Variants in ALDH4A1 observed in about 807,000 individuals in gnomAD.
The protein encoded by ALDH4A1 is aldehyde dehydrogenase 4 family member A1, also known as delta-1-pyrroline-5-carboxylate dehydrogenase, mitochondrial.
Under a neutral mutation model 70.5 loss-of-function variants are expected in ALDH4A1, and 46 were observed. That is an observed-to-expected ratio of 0.65 (90% CI 0.51 to 0.83). The LOEUF is 0.83. ALDH4A1 is among the 40% of genes least tolerant of loss of function. The pLI, the probability that ALDH4A1 is intolerant of heterozygous loss-of-function variation, is 0.00. For missense variants in ALDH4A1, 749 were observed against 766.5 expected, an observed-to-expected ratio of 0.98 and a Z score of 0.27; for synonymous variants, 323 against 324.3, an observed-to-expected ratio of 1.00 and a Z score of 0.04.
chr1:18,897,805 T>C (rs1249615923), intron 1 of ALDH4A1, among the ~76,000 whole-genome samples: 1 of 152,144 alleles, frequency 6.6e-6, no homozygotes, highest in Non-Finnish European at 1.5e-5. Flanking sequence ...CTCCTCACCA[T>C]ACAGCTAGAA....
intron 8 of ALDH4A1, 94 bp from the exon 9 acceptor site, chr1:18,879,467 G>T: frequency 2.6e-6 from 3 of 1,146,952 alleles, no homozygotes; most frequent in Non-Finnish European, 2.6e-6. Flanking sequence ...GGGCAGCCCA[G>T]CAGGAGGTGG....
intron 3 of ALDH4A1, among the ~76,000 whole-genome samples, chr1:18,887,138 C>T (rs1283166281): frequency 6.6e-6 from 1 of 152,258 alleles, no homozygotes; most frequent in Non-Finnish European, 1.5e-5. Flanking sequence ...AGATCCTCAA[C>T]AAACATTTAT....
At chr1:18,885,359 C>G (rs1935150817) in intron 5 of ALDH4A1, 114 bp downstream of exon 5, 1 of 1,108,538 alleles carries the variant, frequency 9.0e-7, no homozygotes, top group East Asian at 2.6e-5. Flanking sequence ...TCTCTGGGTC[C>G]CCAAAAGGGC....
chr1:18,881,659 T>C (rs1473162546), intron 8 of ALDH4A1, 41 bp downstream of exon 8: 1 of 1,612,434 alleles, frequency 6.2e-7, no homozygotes, highest in African/African-American at 1.3e-5. Context: ...CAGGTGAACG[T>C]CCCCTAGCCA....
chr1:18,901,048 G>T (rs1315700336), intron 1 of ALDH4A1: 1 of 284,988 alleles, frequency 3.5e-6, no homozygotes, highest in Non-Finnish European at 5.3e-6. Context: ...AAATTCCCTG[G>T]GTACCCCTCA....
intron 8 of ALDH4A1, among the ~76,000 whole-genome samples, chr1:18,879,730 G>A (rs1005310313): frequency 6.6e-6 from 1 of 152,182 alleles, no homozygotes; most frequent in East Asian, 1.9e-4. Context: ...TGTGAGGCAT[G>A]TGCTTAAGAC....
chr1:18,874,630 A>T (rs190551154), intron 13 of ALDH4A1, 49 bp from the exon 14 acceptor site: 1 of 1,582,834 alleles, frequency 6.3e-7, no homozygotes, highest in Non-Finnish European at 8.7e-7. Flanking sequence ...TCTCCCCTCC[A>T]GCCCCAGCTC....
chr1:18,890,438 T>G (rs754462440), intron 1 of ALDH4A1, among the ~76,000 whole-genome samples: 42 of 152,304 alleles, frequency 2.8e-4, no homozygotes, highest in Non-Finnish European at 4.7e-4. Context: ...TCTGAGCTAC[T>G]CAGGAGGCTG....
intron 1 of ALDH4A1, among the ~76,000 whole-genome samples, chr1:18,902,126 G>A (rs1024022596): frequency 7.9e-5 from 12 of 152,172 alleles, no homozygotes; most frequent in Middle Eastern, 3.2e-3. Context: ...AAATTGCGAA[G>A]ATCCAGTATT....
At chr1:18,901,977 A>C (rs1315460496) in intron 1 of ALDH4A1, among the ~76,000 whole-genome samples, 2 of 150,426 alleles carry the variant, frequency 1.3e-5, no homozygotes, top group African/African-American at 4.9e-5. Flanking sequence ...GGAGCGGAAA[A>C]GAGAGAGGTA....
chr1:18,877,109 G>T (rs1934728560), intron 11 of ALDH4A1, 99 bp downstream of exon 11: 1 of 1,452,130 alleles, frequency 6.9e-7, no homozygotes, highest in South Asian at 1.2e-5. Flanking sequence ...AGTGGGGCTG[G>T]GTCATGCCCT....
chr1:18,892,558 C>CGGGGGGGGGGGGGGGGG (rs66842291), intron 1 of ALDH4A1, among the ~76,000 whole-genome samples: 1 of 122,166 alleles, frequency 8.2e-6, no homozygotes, highest in African/African-American at 2.9e-5. Context: ...TAGAAGGAGG[C>CGGGGGGGGGGGGGGGGG]GGGGGGGGGC....
At chr1:18,887,409 C>G (rs965678741) in intron 3 of ALDH4A1, among the ~76,000 whole-genome samples, 3 of 152,222 alleles carry the variant, frequency 2.0e-5, no homozygotes, top group African/African-American at 7.2e-5. Context: ...ACCATCCTGG[C>G]TAACATGGTG....
At chr1:18,893,734 C>A (rs1170303078) in intron 1 of ALDH4A1, among the ~76,000 whole-genome samples, 2 of 152,180 alleles carry the variant, frequency 1.3e-5, no homozygotes, top group African/African-American at 4.8e-5. Flanking sequence ...GAACTCCTGA[C>A]CTCAAGTGAT....
intron 1 of ALDH4A1, chr1:18,890,649 C>A (rs1295738726): frequency 1.7e-5 from 17 of 979,858 alleles, no homozygotes; most frequent in Non-Finnish European, 2.1e-5. Context: ...CTCCTGTGAA[C>A]GTGGTTCTAC....
intron 13 of ALDH4A1, 146 bp downstream of exon 13, chr1:18,875,236 C>T: frequency 7.3e-7 from 1 of 1,365,254 alleles, no homozygotes; most frequent in South Asian, 1.2e-5. Context: ...ATGTGGCGAG[C>T]CCTGGCTGCC....
chr1:18,898,864 C>T lies in ALDH4A1; in HGVS notation c.62+3598G>A, dbSNP rs903428663. Among the ~76,000 whole-genome samples, 18 of 152,206 alleles carry T rather than the reference C, an allele frequency of 1.2e-4. No individual in the cohort carries two copies. Among genetic ancestry groups the T allele is most frequent in the East Asian group, 3.8e-4 (2 of 5,196 alleles). ...CCACTGCCAAGCACTGCCTCAATGG[C>T]GCTTTCACTACTTTAGAAGTGTGAT... On this transcript the variant is annotated intron_variant, in intron 1 of 14. Coordinates refer to ENST00000375341, the MANE Select transcript of ALDH4A1 (RefSeq NM_003748.4). This position sits in a 1 kb window ranked among gnomAD's most constrained non-coding sequence, Gnocchi z 4.3.
chr1:18,880,586 C>T lies in ALDH4A1; in HGVS notation c.866+1114G>A, dbSNP rs1934929359. Among the ~76,000 whole-genome samples, 1 of 152,058 alleles carries T rather than the reference C, an allele frequency of 6.6e-6. No homozygotes were observed. Among genetic ancestry groups the T allele is most frequent in the Non-Finnish European group, 1.5e-5 (1 of 68,004 alleles). On this transcript the variant is annotated intron_variant, in intron 8 of 14. Transcript: ENST00000375341. This position sits in a 1 kb window ranked among gnomAD's most constrained non-coding sequence, Gnocchi z 5.1. ...GAGAGATCACTGAGAATGAGGGTGCCAACACAGGGGCCCAGAGGAGCCAGC... is the reference window on the plus strand; with the variant it reads ...GAGAGATCACTGAGAATGAGGGTGCTAACACAGGGGCCCAGAGGAGCCAGC...
intron 7 of ALDH4A1, 50 bp from the exon 8 acceptor site, chr1:18,881,937 C>T (rs1197604866): frequency 6.5e-7 from 1 of 1,536,642 alleles, no homozygotes; most frequent in Admixed American, 1.8e-5. Flanking sequence ...CACCAGCCCC[C>T]AACCCCCACC....
Sources: gnomAD v4.1 joint callset for allele counts (sites outside exome capture counted in the v4.1 genomes callset) on GRCh38, gnomAD v4.1.1 for gene constraint, Gnocchi (gnomAD v3.1) non-coding constraint, MANE v1.5 for transcripts, NCBI Gene and HGNC (gene_info 2026-07-23, HGNC 2026-07-21) for gene names.